Variants in JAKMIP1 observed in about 807,000 individuals in gnomAD.
JAKMIP1 encodes the protein janus kinase and microtubule interacting protein 1.
A neutral mutation model predicts 113.0 loss-of-function variants in JAKMIP1; 33 were observed. That is an observed-to-expected ratio of 0.29 (90% confidence interval 0.22 to 0.39). The LOEUF is 0.39. Among genes scored for constraint, JAKMIP1 ranks in the 10% least tolerant of loss-of-function variants. The pLI is 1.00. For missense variants in JAKMIP1, 813 were observed against 1,080.5 expected, an observed-to-expected ratio of 0.75 and a Z score of 3.47; for synonymous variants, 480 against 459.9, an observed-to-expected ratio of 1.04 and a Z score of -0.56.
chr4:6,079,499 A>C (rs1720192410), intron 7 of JAKMIP1, among the ~76,000 whole-genome samples: 1 of 152,138 alleles, frequency 6.6e-6, no homozygotes, highest in South Asian at 2.1e-4. Flanking sequence ...TTCTTTGAAA[A>C]CCAGTGCATG....
chr4:6,071,003 G>A lies in JAKMIP1; in HGVS notation c.1303-5995C>T, dbSNP rs897826943. On this transcript the variant is annotated intron_variant, in intron 8 of 20. Transcript: ENST00000409021. ...AGACTTTACCACAAAAAAGTAAAAC[G>A]TCTGAACTTTGACAGATACCAAAGC... Among the ~76,000 whole-genome samples, 4 of 152,146 alleles carry A rather than the reference G, an allele frequency of 2.6e-5. No homozygotes were observed. The East Asian group carries it at 5.8e-4, about 22-fold the overall frequency.
At chr4:6,115,191 C>T (rs1697460032) in intron 1 of JAKMIP1, among the ~76,000 whole-genome samples, 1 of 152,186 alleles carries the variant, frequency 6.6e-6, no homozygotes, top group Admixed American at 6.5e-5. Flanking sequence ...GGCAGACCAC[C>T]TGAGATCAGG....
rs1378955326 is a variant in JAKMIP1, at chr4:6,040,233, A to C, written c.2175+406T>G. ...TATACCTCGTCCCTTCGGTTCTGAA[A>C]ATCACCTGGCTTCATCTAATTGCTT... On this transcript the variant is annotated intron_variant, in intron 18 of 20. Transcript: ENST00000409021. This position sits in a 1 kb window ranked among gnomAD's most constrained non-coding sequence, Gnocchi z 5.8. Among the ~76,000 whole-genome samples the C allele has an allele frequency of 2.6e-5, 4 of 152,138 alleles. No individual in the cohort carries two copies. The highest frequency in any genetic ancestry group is 9.7e-5 in the African/African-American group (4 of 41,428).
intron 1 of JAKMIP1, among the ~76,000 whole-genome samples, chr4:6,165,105 G>A (rs1004300994): frequency 2.0e-5 from 3 of 152,070 alleles, no homozygotes; most frequent in Non-Finnish European, 2.9e-5. Context: ...AGAGTCCATC[G>A]ACAGGACAAA....
At chr4:6,084,505 C>G (rs1029071403) in intron 5 of JAKMIP1, among the ~76,000 whole-genome samples, 4 of 152,040 alleles carry the variant, frequency 2.6e-5, no homozygotes, top group Non-Finnish European at 4.4e-5. Context: ...TCACTCTGCC[C>G]TACGCTTTAG....
At chr4:6,035,083 G>C (rs967668362) in intron 19 of JAKMIP1, among the ~76,000 whole-genome samples, 1 of 152,122 alleles carries the variant, frequency 6.6e-6, no homozygotes, top group African/African-American at 2.4e-5. Context: ...ACAGTTGCGT[G>C]AGGCAGTTCC....
chr4:6,083,260 G>A lies in JAKMIP1; in HGVS notation c.955-1505C>T, dbSNP rs191403806. ...TCTACTAAAAATACAAAAATTAGCCGGGTGTGTTGGCGGGTGCCTGTAATC... is the reference window on the plus strand; with the variant it reads ...TCTACTAAAAATACAAAAATTAGCCAGGTGTGTTGGCGGGTGCCTGTAATC... On this transcript the variant is annotated intron_variant, in intron 5 of 20. Coordinates refer to ENST00000409021, the MANE Select transcript of JAKMIP1 (RefSeq NM_001099433.2). Among the ~76,000 whole-genome samples, 1,053 of 152,000 alleles carry A rather than the reference G, an allele frequency of 6.9e-3. 12 individuals carry two copies. Among genetic ancestry groups the A allele is most frequent in the African/African-American group, 0.024 (994 of 41,456 alleles).
chr4:6,147,028 G>A (rs183135938), intron 1 of JAKMIP1, among the ~76,000 whole-genome samples: 3 of 152,108 alleles, frequency 2.0e-5, no homozygotes, highest in East Asian at 1.9e-4. Context: ...GCATGATCTC[G>A]GCTCACTGCA....
In JAKMIP1 at chr4:6,140,226, T is replaced by A. The variant is rs946140703; in HGVS notation, c.-147-27229A>T. On this transcript the variant is annotated intron_variant, in intron 1 of 20. Transcript: ENST00000409021. The surrounding 1 kb of genome is among the most constrained non-coding windows in gnomAD (Gnocchi z 9.4). ...TGGCTCTCCACCCGGACATTTGGGC[T>A]GCTCCCTATTTTTCTTTTTTCCTCT... Among the ~76,000 whole-genome samples the A allele has an allele frequency of 6.6e-6, 1 of 151,688 alleles. No homozygotes were observed. Among genetic ancestry groups the A allele is most frequent in the African/African-American group, 2.4e-5 (1 of 41,282 alleles).
chr4:6,045,581 C>T (rs939954170), intron 16 of JAKMIP1, among the ~76,000 whole-genome samples: 1 of 152,206 alleles, frequency 6.6e-6, no homozygotes, highest in African/African-American at 2.4e-5. Context: ...CACTAAGAAA[C>T]TGGCTTCGAG....
intron 2 of JAKMIP1, among the ~76,000 whole-genome samples, chr4:6,109,347 A>C (rs1286937089): frequency 1.3e-5 from 2 of 151,522 alleles, no homozygotes; most frequent in African/African-American, 2.4e-5. Context: ...GTTAGCCAGG[A>C]TGGTCTCGAT....
chr4:6,048,213 G>A (rs896377091), intron 16 of JAKMIP1, among the ~76,000 whole-genome samples: 4 of 152,212 alleles, frequency 2.6e-5, no homozygotes, highest in Non-Finnish European at 5.9e-5. Flanking sequence ...AATCAACAAC[G>A]TGTAAGGCTG....
chr4:6,125,281 C>T (rs142268122), intron 1 of JAKMIP1, among the ~76,000 whole-genome samples: 48 of 152,210 alleles, frequency 3.2e-4, no homozygotes, highest in Middle Eastern at 3.4e-3. Flanking sequence ...CACCCCCACC[C>T]GGGCTGGCTG....
At position 6,189,915 on chromosome 4, in the gene JAKMIP1, G is replaced by T. The variant is rs75934039; in HGVS notation, c.-148+10338C>A. Reference sequence around the variant, plus strand: ...CGGGGGACTGTGTAGCTAGACACAGGCTCTGCTGCAGGCGTGGCAGGAGAG... The same window carrying T: ...CGGGGGACTGTGTAGCTAGACACAGTCTCTGCTGCAGGCGTGGCAGGAGAG... On this transcript the variant is annotated intron_variant, in intron 1 of 20. Coordinates refer to ENST00000409021, the MANE Select transcript of JAKMIP1 (RefSeq NM_001099433.2). Among the ~76,000 whole-genome samples, 793 of 152,342 alleles carry T rather than the reference G, an allele frequency of 5.2e-3. 8 individuals are homozygous for T. The highest frequency in any genetic ancestry group is 0.018 in the African/African-American group (747 of 41,574).
intron 1 of JAKMIP1, among the ~76,000 whole-genome samples, chr4:6,171,926 G>C (rs1208781386): frequency 2.0e-5 from 3 of 152,192 alleles, no homozygotes; most frequent in South Asian, 2.1e-4. Context: ...AAGCCATGCA[G>C]ACATTTAACA....
Position 6,154,561 on chromosome 4 carries a change from G to A in JAKMIP1, c.-147-41564C>T, listed in dbSNP as rs547244667. ...GAGGATGCATTTCAGCCTTGAAAAA[G>A]GCAATACCGAAAAGGCAGACACCAA... On this transcript the variant is annotated intron_variant, in intron 1 of 20. Transcript: ENST00000409021. This position sits in a 1 kb window ranked among gnomAD's most constrained non-coding sequence, Gnocchi z 4.2. Among the ~76,000 whole-genome samples, 2 of 151,458 alleles carry A rather than the reference G, an allele frequency of 1.3e-5. No homozygotes were observed. Among genetic ancestry groups the A allele is most frequent in the East Asian group, 3.9e-4 (2 of 5,142 alleles).
Position 6,108,828 on chromosome 4 carries a change from T to A in JAKMIP1, c.130-2861A>T, listed in dbSNP as rs975482832. Among the ~76,000 whole-genome samples the A allele has an allele frequency of 6.6e-6, 1 of 152,264 alleles. No individual in the cohort carries two copies. Among genetic ancestry groups the A allele is most frequent in the Non-Finnish European group, 1.5e-5 (1 of 68,052 alleles). On this transcript the variant is annotated intron_variant, in intron 2 of 20. Coordinates refer to ENST00000409021, the MANE Select transcript of JAKMIP1 (RefSeq NM_001099433.2). The surrounding 1 kb of genome is among the most constrained non-coding windows in gnomAD (Gnocchi z 5.6). ...GAGGCTGAAGGGAGCCATGCGGCAG[T>A]GGATGCGTCTTGGGACATCTGTAAG...
intron 1 of JAKMIP1, among the ~76,000 whole-genome samples, chr4:6,163,818 G>T (rs1723244936): frequency 6.6e-6 from 1 of 152,174 alleles, no homozygotes; most frequent in South Asian, 2.1e-4. Context: ...GAGTGGTCAG[G>T]GTAGAAGATC....
Position 6,036,114 on chromosome 4 carries a change from A to T in JAKMIP1, c.2176-7T>A. The stretch of plus-strand genomic sequence containing the variant: ...CCTCCAGGTCTTGGATTTTCTGAGG[A>T]CCCCAGATCACACAGACAGAGGAAG... On this transcript the variant is annotated splice_polypyrimidine_tract_variant and splice_region_variant and intron_variant, in intron 18 of 20. Transcript: ENST00000409021. The T allele has an allele frequency of 6.5e-7, 1 of 1,539,862 alleles. No homozygotes were observed.
Sources: allele counts gnomAD v4.1 joint callset (sites outside exome capture counted in the v4.1 genomes callset), GRCh38; gene constraint gnomAD v4.1.1; non-coding constraint Gnocchi (gnomAD v3.1); transcripts MANE v1.5; gene names NCBI Gene and HGNC (gene_info 2026-07-23, HGNC 2026-07-21).